The following DLC1 variants were observed in gnomAD, a reference collection of about 807,000 sequenced individuals.
The protein encoded by DLC1 is rho GTPase-activating protein 7.
DLC1 carries 54 observed loss-of-function variants against 140.3 expected under a neutral mutation model. That is an observed-to-expected ratio of 0.38 (90% CI 0.31 to 0.48). The LOEUF (loss-of-function observed/expected upper bound fraction) is 0.48. Ranked by LOEUF, DLC1 falls within the 20% of genes least tolerant of loss-of-function variation. The pLI is 0.96. For missense variants in DLC1, 2,536 were observed against 1,907.0 expected, an observed-to-expected ratio of 1.33 and a Z score of -6.14; for synonymous variants, 986 against 728.1, an observed-to-expected ratio of 1.35 and a Z score of -5.70.
intron 2 of DLC1, among the ~76,000 whole-genome samples, chr8:13,410,762 T>A (rs2117295386): frequency 6.6e-6 from 1 of 152,346 alleles, no homozygotes; most frequent in Non-Finnish European, 1.5e-5. Flanking sequence ...TAATTTGTTA[T>A]GTGTACTCTC....
At chr8:13,503,255 T>G (rs2117217037) in intron 1 of DLC1, among the ~76,000 whole-genome samples, 1 of 152,006 alleles carries the variant, frequency 6.6e-6, no homozygotes, top group East Asian at 1.9e-4. Context: ...AATGCAAAAA[T>G]TAGCCAGGAG....
intron 1 of DLC1, among the ~76,000 whole-genome samples, chr8:13,507,846 T>G (rs1313457449): frequency 6.6e-6 from 1 of 152,220 alleles, no homozygotes; most frequent in African/African-American, 2.4e-5. Flanking sequence ...AGTGTTTCAC[T>G]TTTTCCAAAA....
chr8:13,249,740 T>G lies in DLC1; in HGVS notation c.1348+55529A>C, dbSNP rs537124539. Among the ~76,000 whole-genome samples, 15 of 152,206 alleles carry G rather than the reference T, an allele frequency of 9.9e-5. No homozygotes were observed. In the South Asian group the frequency reaches 2.9e-3, roughly 29 times the overall value. ...GATTAAGAAACAACCCAAACCAAAA[T>G]CACAAGAACAACAATGAACAGAAAA... On this transcript the variant is annotated intron_variant, in intron 5 of 17. Coordinates refer to ENST00000276297, the MANE Select transcript of DLC1 (RefSeq NM_182643.3).
chr8:13,345,179 A>G (rs1834271056), intron 4 of DLC1, among the ~76,000 whole-genome samples: 1 of 152,084 alleles, frequency 6.6e-6, no homozygotes. Flanking sequence ...ATTCATATAG[A>G]ATTGAATTCT....
chr8:13,279,973 G>A (rs1488468626), intron 5 of DLC1, among the ~76,000 whole-genome samples: 8 of 151,952 alleles, frequency 5.3e-5, no homozygotes, highest in Non-Finnish European at 2.9e-5. Flanking sequence ...AGATCCCACT[G>A]GGAATCACAA....
intron 1 of DLC1, among the ~76,000 whole-genome samples, chr8:13,549,742 T>C (rs918250208): frequency 1.1e-4 from 16 of 152,098 alleles, no homozygotes; most frequent in Non-Finnish European, 5.9e-5. Context: ...AGAAGAACTC[T>C]GAGGGTGTTA....
In DLC1 at chr8:13,085,546, C is replaced by T. The variant is rs1014265308; in HGVS notation, c.*265G>A. 3 of 323,066 alleles carry T rather than the reference C, an allele frequency of 9.3e-6. No homozygotes were observed. The highest frequency in any genetic ancestry group is 1.7e-5 in the Non-Finnish European group (3 of 178,648). 20.0% of individuals were successfully genotyped at this position (323,066 alleles called of 1,614,324 possible). A position where few individuals can be genotyped will look rare whatever the true frequency, so the allele number is the denominator to read the frequency against. ...AATGTATTTAAAGAGTTTTGCTTCT[C>T]AGAAGCAATTTGAATAAGAATACAC... On this transcript the variant is annotated 3_prime_UTR_variant, in exon 18 of 18. Transcript: ENST00000276297.
Position 13,190,977 on chromosome 8 carries a change from A to C in DLC1, c.1349-75320T>G, listed in dbSNP as rs1369942765. The stretch of plus-strand genomic sequence containing the variant: ...GGATTAAATGATAAGCTTGCTCCAC[A>C]CTGTAGTATGTGTTTGGGGGAGTGC... On this transcript the variant is annotated intron_variant, in intron 5 of 17. Coordinates refer to ENST00000276297, the MANE Select transcript of DLC1 (RefSeq NM_182643.3). Among the ~76,000 whole-genome samples, 5 of 151,278 alleles carry C rather than the reference A, an allele frequency of 3.3e-5. No homozygotes were observed. In the East Asian group the frequency reaches 9.8e-4, roughly 30 times the overall value.
chr8:13,483,734 C>A (rs1262456002), intron 2 of DLC1, among the ~76,000 whole-genome samples: 2 of 152,040 alleles, frequency 1.3e-5, no homozygotes, highest in Admixed American at 1.3e-4. Flanking sequence ...ACCATGTCTT[C>A]CATATTGGAA....
chr8:13,466,660 A>G (rs7844682), intron 2 of DLC1, among the ~76,000 whole-genome samples: 1 of 152,042 alleles, frequency 6.6e-6, no homozygotes, highest in Non-Finnish European at 1.5e-5. Flanking sequence ...GCTAGAGTTT[A>G]TTGCCACTGT....
chr8:13,424,222 G>A (rs955122434), intron 2 of DLC1, among the ~76,000 whole-genome samples: 5 of 152,104 alleles, frequency 3.3e-5, no homozygotes, highest in Non-Finnish European at 5.9e-5. Context: ...ATCAAGGCCG[G>A]GTTCGGTGGC....
intron 4 of DLC1, among the ~76,000 whole-genome samples, chr8:13,377,434 C>T (rs1320416466): frequency 6.6e-6 from 1 of 152,120 alleles, no homozygotes; most frequent in African/African-American, 2.4e-5. Context: ...GTAAGGAGGA[C>T]AGTTATTCAA....
At chr8:13,481,903 T>C (rs923186720) in intron 2 of DLC1, among the ~76,000 whole-genome samples, 1 of 152,130 alleles carries the variant, frequency 6.6e-6, no homozygotes, top group African/African-American at 2.4e-5. Flanking sequence ...AAGAAGCCCA[T>C]GTCAACATAA....
intron 5 of DLC1, among the ~76,000 whole-genome samples, chr8:13,137,603 GTT>G (rs36035085): frequency 7.4e-6 from 1 of 134,364 alleles, no homozygotes. Flanking sequence ...TTTTGGTTTT[GTT>G]TTTTTTTTTT....
At chr8:13,498,745 A>C (rs1253116863) in intron 2 of DLC1, 1 of 245,792 alleles carries the variant, frequency 4.1e-6, no homozygotes, top group East Asian at 7.8e-5. Context: ...CATGTCTATG[A>C]GCTATCTAGT....
At chr8:13,597,255 C>T (rs960486762) in intron 1 of DLC1, among the ~76,000 whole-genome samples, 6 of 151,938 alleles carry the variant, frequency 3.9e-5, no homozygotes, top group African/African-American at 1.4e-4. Context: ...GCTTATATCT[C>T]ACATTTTATT....
At chr8:13,282,824 T>A (rs944480090) in intron 5 of DLC1, among the ~76,000 whole-genome samples, 18 of 152,204 alleles carry the variant, frequency 1.2e-4, no homozygotes, top group African/African-American at 4.3e-4. Flanking sequence ...TTTATGTGTC[T>A]TTTTGATGAG....
chr8:13,375,370 A>C (rs11994202), intron 4 of DLC1, among the ~76,000 whole-genome samples: 101,678 of 151,978 alleles, frequency 0.67, 34,491 homozygotes, highest in East Asian at 0.84. Context: ...TATCCTGAGA[A>C]TTTTCTGAAG....
Position 13,453,428 on chromosome 8 carries a change from A to ATATATATATATATATGTG in DLC1, c.1023+45620_1023+45621insCACATATATATATATATA, listed in dbSNP as rs1563359876. Among the ~76,000 whole-genome samples the ATATATATATATATATGTG allele has an allele frequency of 3.2e-3, 99 of 30,930 alleles. 7 individuals carry two copies. Among genetic ancestry groups the ATATATATATATATATGTG allele is most frequent in the African/African-American group, 0.014 (85 of 6,028 alleles). The allele number at this position is 30,930 out of a possible 152,430, so 20.3% of individuals were successfully genotyped here. A position where few individuals can be genotyped will look rare whatever the true frequency, so the allele number is the denominator to read the frequency against. ...TGTATATATATATATATATATGTGT[A>ATATATATATATATATGTG]TATATATATGTATATATATACATAT... On this transcript the variant is annotated intron_variant, in intron 2 of 17. Coordinates refer to ENST00000276297, the MANE Select transcript of DLC1 (RefSeq NM_182643.3).
Sources: allele counts gnomAD v4.1 joint callset (sites outside exome capture counted in the v4.1 genomes callset), GRCh38; gene constraint gnomAD v4.1.1; transcripts MANE v1.5; gene names NCBI Gene and HGNC (gene_info 2026-07-23, HGNC 2026-07-21).